PTPRE: variants seen among roughly 807,000 people sequenced by gnomAD.
The protein encoded by PTPRE is protein tyrosine phosphatase receptor type E.
In PTPRE, 51 loss-of-function variants were observed where a neutral mutation model predicts 102.0. That is an observed-to-expected ratio of 0.50 (90% CI 0.40 to 0.63). The LOEUF (loss-of-function observed/expected upper bound fraction) is 0.63. Ranked by LOEUF, PTPRE falls within the 30% of genes least tolerant of loss-of-function variation. The pLI is 0.00. For synonymous variants in PTPRE, 345 were observed against 348.2 expected, an observed-to-expected ratio of 0.99 and a Z score of 0.10; for missense variants, 752 against 915.1, an observed-to-expected ratio of 0.82 and a Z score of 2.30.
rs375526835 is a variant in PTPRE, at chr10:128,067,422, G to A, written c.844-701G>A. On this transcript the variant is annotated intron_variant, in intron 11 of 20. Coordinates refer to ENST00000254667, the MANE Select transcript of PTPRE (RefSeq NM_006504.6). The stretch of plus-strand genomic sequence containing the variant: ...CACATACACGCACATGGGTGCACAC[G>A]TGTACGCACCCACATTCACACATGC... Among the ~76,000 whole-genome samples, 1,132 of 146,574 alleles carry A rather than the reference G, an allele frequency of 7.7e-3. 16 individuals carry two copies. Among genetic ancestry groups the A allele is most frequent in the African/African-American group, 0.028 (1,086 of 39,244 alleles).
At chr10:128,066,218 T>C (rs1376342214) in intron 11 of PTPRE, 24 bp downstream of exon 11, 1 of 1,609,554 alleles carries the variant, frequency 6.2e-7, no homozygotes, top group South Asian at 1.1e-5. Context: ...GTTGCTGCCC[T>C]TCCAGAAAGA....
At chr10:128,080,238 C>T (rs1409431117) in intron 20 of PTPRE, among the ~76,000 whole-genome samples, 3 of 152,310 alleles carry the variant, frequency 2.0e-5, no homozygotes, top group South Asian at 2.1e-4. Flanking sequence ...TTTTCAGAAG[C>T]GATTCCTCCT....
chr10:127,958,576 C>T (rs1346259075), intron 1 of PTPRE, among the ~76,000 whole-genome samples: 1 of 152,096 alleles, frequency 6.6e-6, no homozygotes, highest in African/African-American at 2.4e-5. Flanking sequence ...TATTTTTATA[C>T]ATTTTGGATT....
rs939345486 is a variant in PTPRE, at chr10:128,070,743, G to A, written c.1294-65G>A. On this transcript the variant is annotated intron_variant, in intron 14 of 20. Transcript: ENST00000254667. This position sits in a 1 kb window ranked among gnomAD's most constrained non-coding sequence, Gnocchi z 4.8. ...GTCCTTGCCAGCAGCACTAGTCCTC[G>A]GCTGAGCAATGTGCTCAGGAGTGTC... The A allele has an allele frequency of 1.1e-4, 171 of 1,517,066 alleles. No homozygotes were observed. Among genetic ancestry groups the A allele is most frequent in the Non-Finnish European group, 1.4e-4 (152 of 1,099,546 alleles). The allele number at this position is 1,517,066 out of a possible 1,614,324, so 94.0% of individuals were successfully genotyped here.
chr10:128,031,280 T>A (rs1846732649), intron 2 of PTPRE, among the ~76,000 whole-genome samples: 1 of 152,240 alleles, frequency 6.6e-6, no homozygotes, highest in Non-Finnish European at 1.5e-5. Context: ...TGGGCTGTAC[T>A]CAGCGAGGCC....
intron 1 of PTPRE, among the ~76,000 whole-genome samples, chr10:127,957,768 T>C (rs958746060): frequency 6.6e-6 from 1 of 152,244 alleles, no homozygotes; most frequent in Non-Finnish European, 1.5e-5. Flanking sequence ...TGGGATTGCA[T>C]TGAATCTGTA....
chr10:127,969,535 G>A (rs938765153), intron 1 of PTPRE, among the ~76,000 whole-genome samples: 39 of 152,210 alleles, frequency 2.6e-4, no homozygotes, highest in African/African-American at 9.4e-4. Context: ...GGGCATGGTG[G>A]TGCACACCTG....
intron 19 of PTPRE, among the ~76,000 whole-genome samples, chr10:128,078,358 G>T (rs1235153630): frequency 1.3e-5 from 2 of 152,238 alleles, no homozygotes; most frequent in South Asian, 4.1e-4. Context: ...ACGCCCAGGG[G>T]CAGATACGCA....
intron 2 of PTPRE, among the ~76,000 whole-genome samples, chr10:128,021,317 G>A (rs1423437285): frequency 6.6e-6 from 1 of 152,194 alleles, no homozygotes; most frequent in Non-Finnish European, 1.5e-5. Context: ...ACAGGCCTCT[G>A]AAGGGACTGT....
At chr10:128,023,320 A>G (rs1197801997) in intron 2 of PTPRE, among the ~76,000 whole-genome samples, 8 of 152,138 alleles carry the variant, frequency 5.3e-5, no homozygotes, top group Non-Finnish European at 5.9e-5. Flanking sequence ...AAAGGATAGT[A>G]TATATACATA....
intron 1 of PTPRE, among the ~76,000 whole-genome samples, chr10:127,916,458 A>G (rs1240151110): frequency 6.6e-6 from 1 of 152,164 alleles, no homozygotes; most frequent in Non-Finnish European, 1.5e-5. Context: ...GCCATGCTGA[A>G]CTGTGAGTCA....
chr10:127,970,080 T>C (rs1412832927), intron 1 of PTPRE, among the ~76,000 whole-genome samples: 1 of 152,142 alleles, frequency 6.6e-6, no homozygotes, highest in Admixed American at 6.5e-5. Flanking sequence ...TATAAGTACT[T>C]ACACACACGC....
chr10:128,036,240 T>G (rs1226518057), intron 2 of PTPRE, among the ~76,000 whole-genome samples: 2 of 151,962 alleles, frequency 1.3e-5, no homozygotes, highest in Non-Finnish European at 2.9e-5. Flanking sequence ...GCTCGCCACC[T>G]TGACCCTGGC....
chr10:128,076,484 T>A lies in PTPRE; in HGVS notation c.1600-119T>A, dbSNP rs1196855369. 6.2e-5 allele frequency: 63 copies of A among 1,023,840 alleles called. 1 individual carries two copies. Among genetic ancestry groups the A allele is most frequent in the African/African-American group, 2.8e-4 (17 of 59,978 alleles). The allele number at this position is 1,023,840 out of a possible 1,614,324, so 63.4% of individuals were successfully genotyped here. On this transcript the variant is annotated intron_variant, in intron 17 of 20. Coordinates refer to ENST00000254667, the MANE Select transcript of PTPRE (RefSeq NM_006504.6). Reference sequence around the variant, plus strand: ...CATTTATATTCATATTCATATGTTTTTTTTTTTGGTCAGATGAAATACATT... The same window carrying A: ...CATTTATATTCATATTCATATGTTTATTTTTTTGGTCAGATGAAATACATT...
chr10:127,939,159 G>T (rs1564811850), intron 1 of PTPRE, among the ~76,000 whole-genome samples: 1 of 152,052 alleles, frequency 6.6e-6, no homozygotes, highest in Non-Finnish European at 1.5e-5. Context: ...TTTTCCAGAC[G>T]TTTCAGCAAG....
intron 1 of PTPRE, among the ~76,000 whole-genome samples, chr10:127,921,928 T>G (rs1356589473): frequency 6.6e-6 from 1 of 152,158 alleles, no homozygotes; most frequent in African/African-American, 2.4e-5. Context: ...CAGGCATCGA[T>G]GCTGAGTCTG....
chr10:127,998,316 T>C (rs541634318), intron 2 of PTPRE: 56 of 152,340 alleles, frequency 3.7e-4, no homozygotes, highest in African/African-American at 1.3e-3. Flanking sequence ...CTGGGGAAGC[T>C]GAGGCTGAAG....
At chr10:127,991,743 G>A (rs1171538978) in intron 2 of PTPRE, among the ~76,000 whole-genome samples, 4 of 152,136 alleles carry the variant, frequency 2.6e-5, no homozygotes, top group African/African-American at 9.7e-5. Context: ...TCTCACCCCT[G>A]TCCACTCTGA....
chr10:128,013,932 C>T (rs1845218888), intron 2 of PTPRE, among the ~76,000 whole-genome samples: 1 of 152,134 alleles, frequency 6.6e-6, no homozygotes, highest in Non-Finnish European at 1.5e-5. Flanking sequence ...CAAGTAGGTG[C>T]CAGTAAGTAG....
Sources: gnomAD v4.1 joint callset for allele counts (sites outside exome capture counted in the v4.1 genomes callset) on GRCh38, gnomAD v4.1.1 for gene constraint, Gnocchi (gnomAD v3.1) non-coding constraint, MANE v1.5 for transcripts, NCBI Gene and HGNC (gene_info 2026-07-23, HGNC 2026-07-21) for gene names.